GLS: variants seen among roughly 807,000 people sequenced by gnomAD.
The protein encoded by GLS is glutaminase kidney isoform, mitochondrial.
Under a neutral mutation model 86.7 loss-of-function variants are expected in GLS, and 36 were observed. The ratio of observed to expected loss-of-function variants is 0.42; its 90% confidence interval spans 0.32 to 0.55. GLS has a LOEUF of 0.55. Ranked by LOEUF, GLS falls within the 20% of genes least tolerant of loss-of-function variation. The pLI is 0.17. For missense variants in GLS, 528 were observed against 833.4 expected (o/e 0.63, Z 4.51); for synonymous variants, 317 against 305.9 (o/e 1.04, Z -0.38).
intron 11 of GLS, among the ~76,000 whole-genome samples, chr2:190,925,772 C>T (rs1381249394): frequency 6.6e-6 from 1 of 152,128 alleles, no homozygotes. Flanking sequence ...GAATCCAGAC[C>T]ATCAATATAA....
chr2:190,931,973 C>T (rs1574606569), intron 14 of GLS, among the ~76,000 whole-genome samples: 1 of 151,790 alleles, frequency 6.6e-6, no homozygotes, highest in Non-Finnish European at 1.5e-5. Context: ...AAGAACAAAA[C>T]AAAACATTGG....
intron 1 of GLS, 36 bp downstream of exon 1, chr2:190,881,506 C>T (rs778237907): frequency 1.0e-5 from 16 of 1,525,026 alleles, no homozygotes; most frequent in Middle Eastern, 2.2e-4. Flanking sequence ...GGCCTCGTTC[C>T]TTTCGGGGCC....
At chr2:190,960,076 AATG>A (rs113867207) in intron 17 of GLS, among the ~76,000 whole-genome samples, 5,732 of 152,204 alleles carry the variant, frequency 0.038, 350 homozygotes, top group African/African-American at 0.13. Flanking sequence ...TCCTGCAACA[AATG>A]ATGTCAACAA....
At chr2:190,892,480 A>T (rs1462020879) in intron 1 of GLS, among the ~76,000 whole-genome samples, 2 of 152,194 alleles carry the variant, frequency 1.3e-5, no homozygotes, top group African/African-American at 4.8e-5. Flanking sequence ...ATTTGTCATT[A>T]AAACTTAAAT....
intron 9 of GLS, among the ~76,000 whole-genome samples, chr2:190,923,114 T>G (rs1361096399): frequency 6.6e-6 from 1 of 152,184 alleles, no homozygotes; most frequent in African/African-American, 2.4e-5. Flanking sequence ...TAGCTCTCAT[T>G]ACAGTATTCT....
rs1323608771 is a variant in GLS, at chr2:190,953,167, A to G, written c.1651-398A>G. 3.3e-5 allele frequency among the ~76,000 whole-genome samples: 5 copies of G among 152,244 alleles called. No homozygotes were observed. Among genetic ancestry groups the G allele is most frequent in the African/African-American group, 1.2e-4 (5 of 41,458 alleles). ...TTCTTGGCAGGGATTAGACATTTAT[A>G]TAGCATGATTTAATTTTTAATAATG... On this transcript the variant is annotated intron_variant, in intron 14 of 17. Transcript: ENST00000320717. The surrounding 1 kb of genome is among the most constrained non-coding windows in gnomAD (Gnocchi z 4.0).
At chr2:190,908,305 A>G (rs1245401660) in intron 6 of GLS, among the ~76,000 whole-genome samples, 1 of 152,234 alleles carries the variant, frequency 6.6e-6, no homozygotes, top group East Asian at 1.9e-4. Flanking sequence ...TATATGTATT[A>G]GCAAACTTTG....
At chr2:190,929,928 A>G (rs1012035102) in intron 12 of GLS, among the ~76,000 whole-genome samples, 1 of 150,324 alleles carries the variant, frequency 6.7e-6, no homozygotes, top group East Asian at 2.0e-4. Flanking sequence ...GCTCATTGCA[A>G]TCTCTGCCTC....
chr2:190,934,746 C>G (rs1025087722), intron 14 of GLS: 169 of 973,116 alleles, frequency 1.7e-4, no homozygotes, highest in Non-Finnish European at 1.9e-4. Flanking sequence ...GTGTCACTTA[C>G]TATTTTTGTG....
At chr2:190,959,788 C>T (rs1428543832) in intron 17 of GLS, among the ~76,000 whole-genome samples, 1 of 152,082 alleles carries the variant, frequency 6.6e-6, no homozygotes, top group Non-Finnish European at 1.5e-5. Context: ...AATATTGAGA[C>T]ATACAAAATG....
At chr2:190,946,666 C>A (rs1040834702) in intron 14 of GLS, among the ~76,000 whole-genome samples, 2 of 152,050 alleles carry the variant, frequency 1.3e-5, no homozygotes, top group Non-Finnish European at 2.9e-5. Flanking sequence ...ACCAATTTTT[C>A]CTCCGTCTCT....
chr2:190,895,337 T>A lies in GLS; in HGVS notation c.483+89T>A. On this transcript the variant is annotated intron_variant, in intron 2 of 17. Transcript: ENST00000320717. This position sits in a 1 kb window ranked among gnomAD's most constrained non-coding sequence, Gnocchi z 4.2. ...TATTGAAATATAGTCTTAAAGGTCG[T>A]CTGACATGTAGATTCTGACTGACAA... 3.4e-6 allele frequency: 2 copies of A among 595,670 alleles called. No homozygotes were observed. The highest frequency in any genetic ancestry group is 5.9e-6 in the Non-Finnish European group (2 of 337,726). The allele number at this position is 595,670 out of a possible 1,614,324, so 36.9% of individuals were successfully genotyped here.
At chr2:190,902,800 A>G (rs574018138) in intron 5 of GLS, among the ~76,000 whole-genome samples, 27 of 152,188 alleles carry the variant, frequency 1.8e-4, no homozygotes, top group Middle Eastern at 3.4e-3. Context: ...TTCTTTTTTC[A>G]CTCATTTTTA....
chr2:190,881,198 C>T lies in GLS; in HGVS notation c.114C>T (p.Pro38=), dbSNP rs752419675. The part of the protein sequence containing the change: ...AQPLVTLCRR[P]RGGGRPAAGP... ...CCTTGGTCACCCTGTGCCGGCGTCC[C>T]CGAGGCGGGGGACGGCCGGCCGCGG... Residue 38 remains proline (P), a synonymous_variant, in exon 1 of 18, where the codon CCC becomes CCT. Transcript: ENST00000320717. 40 of 1,293,678 alleles carry T rather than the reference C, an allele frequency of 3.1e-5. No homozygotes were observed. The African/African-American group carries it at 4.9e-4, about 16-fold the overall frequency. The allele number at this position is 1,293,678 out of a possible 1,614,324, so 80.1% of individuals were successfully genotyped here. A position where few individuals can be genotyped will look rare whatever the true frequency, so the allele number is the denominator to read the frequency against.
rs1688118718 is a variant in GLS, at chr2:190,880,899, A to ACCC, written c.-186_-185insCCC. 3 of 727,646 alleles carry ACCC rather than the reference A, an allele frequency of 4.1e-6. No homozygotes were observed. In the South Asian group the frequency reaches 4.5e-5, roughly 11 times the overall value. The allele number at this position is 727,646 out of a possible 1,614,324, so 45.1% of individuals were successfully genotyped here. ...CAGCAGCAGCAGCAGCAGCAGCAGC[A>ACCC]GCAGCAGCAGCAGCAGCAGCACCCG... On this transcript the variant is annotated 5_prime_UTR_variant, in exon 1 of 18. Coordinates refer to ENST00000320717, the MANE Select transcript of GLS (RefSeq NM_014905.5).
In GLS at chr2:190,955,505, C is replaced by G. The variant is rs540569849; in HGVS notation, c.1853+687C>G. On this transcript the variant is annotated intron_variant, in intron 17 of 17. Transcript: ENST00000320717. The surrounding 1 kb of genome is among the most constrained non-coding windows in gnomAD (Gnocchi z 5.6). The stretch of plus-strand genomic sequence containing the variant: ...AGTATTCCATGGTGTATATGTGCCA[C>G]ATTTTCTTTATCCAGTCTATTATCG... 6.6e-6 allele frequency among the ~76,000 whole-genome samples: 1 copy of G among 152,304 alleles called. No individual in the cohort carries two copies. Among genetic ancestry groups the G allele is most frequent in the African/African-American group, 2.4e-5 (1 of 41,570 alleles).
intron 14 of GLS, among the ~76,000 whole-genome samples, chr2:190,939,315 G>A (rs1312494049): frequency 6.6e-6 from 1 of 151,566 alleles, no homozygotes; most frequent in Non-Finnish European, 1.5e-5. Context: ...ACTTTTGAAA[G>A]GCTTTGTTGA....
rs1397590288 is a variant in GLS, at chr2:190,955,072, A to C, written c.1853+254A>C. ...AGTCAATACACTGTATGAACAAAAC[A>C]ATTTTTTTTTTGCATTTGGGAAGAA... On this transcript the variant is annotated intron_variant, in intron 17 of 17. Coordinates refer to ENST00000320717, the MANE Select transcript of GLS (RefSeq NM_014905.5). The surrounding 1 kb of genome is among the most constrained non-coding windows in gnomAD (Gnocchi z 5.6). Among the ~76,000 whole-genome samples the C allele has an allele frequency of 6.6e-6, 1 of 152,086 alleles. No individual in the cohort carries two copies. The highest frequency in any genetic ancestry group is 1.5e-5 in the Non-Finnish European group (1 of 68,006).
At chr2:190,885,985 G>T (rs2125973970) in intron 1 of GLS, among the ~76,000 whole-genome samples, 1 of 151,998 alleles carries the variant, frequency 6.6e-6, no homozygotes, top group East Asian at 1.9e-4. Context: ...TCGTTCTCCT[G>T]CCTCAGCCCC....
Sources: gnomAD v4.1 joint callset for allele counts (sites outside exome capture counted in the v4.1 genomes callset) on GRCh38, gnomAD v4.1.1 for gene constraint, Gnocchi (gnomAD v3.1) non-coding constraint, MANE v1.5 for transcripts, NCBI Gene and HGNC (gene_info 2026-07-23, HGNC 2026-07-21) for gene names.